The following KCNH8 variants were observed in gnomAD, a reference collection of about 807,000 sequenced individuals.
KCNH8 encodes the protein voltage-gated delayed rectifier potassium channel KCNH8.
A neutral mutation model predicts 103.6 loss-of-function variants in KCNH8; 70 were observed. The ratio of observed to expected loss-of-function variants is 0.68; its 90% CI spans 0.56 to 0.82. KCNH8 has a LOEUF of 0.82. KCNH8 is among the 40% of genes least tolerant of loss of function. KCNH8 has a pLI of 0.00. For synonymous variants in KCNH8, 498 were observed against 489.4 expected, an observed-to-expected ratio of 1.02 and a Z score of -0.23; for missense variants, 1,217 against 1,329.9, an observed-to-expected ratio of 0.92 and a Z score of 1.32.
At chr3:19,445,243 T>C (rs1167929868) in intron 8 of KCNH8, among the ~76,000 whole-genome samples, 2 of 152,002 alleles carry the variant, frequency 1.3e-5, no homozygotes, top group African/African-American at 4.8e-5. Flanking sequence ...TTTATGATTT[T>C]GTTTAGAGAA....
At position 19,533,645 on chromosome 3, in the gene KCNH8, A is replaced by G. The variant is rs761389289; in HGVS notation, c.2870A>G (p.Asp957Gly). 3 of 1,614,134 alleles carry G rather than the reference A, an allele frequency of 1.9e-6. No homozygotes were observed. The South Asian group carries it at 3.3e-5, about 18-fold the overall frequency. ...AQLCSSNITS[D>G]IWSVDPSSVG... ...CTTTGTAGCAGTAATATCACCTCAG[A>G]CATTTGGAGTGTGGATCCCTCCTCT... The change falls in exon 16 of 16, where the codon GAC becomes GGC. Residue 957 changes from aspartate to glycine, a missense_variant. Physicochemically the swap from Asp to Gly is moderately conservative, Grantham distance 94 (BLOSUM62 -1). Transcript: ENST00000328405.
chr3:19,499,813 C>A (rs544147345), intron 11 of KCNH8, among the ~76,000 whole-genome samples: 29 of 150,790 alleles, frequency 1.9e-4, no homozygotes, highest in African/African-American at 6.8e-4. Context: ...AAGAAACAAC[C>A]GGTACCAGCC....
chr3:19,312,228 C>A (rs545966890), intron 3 of KCNH8, among the ~76,000 whole-genome samples: 2 of 152,018 alleles, frequency 1.3e-5, no homozygotes, highest in Admixed American at 1.3e-4. Flanking sequence ...ATGGGCCAAT[C>A]AATGGCATAA....
At chr3:19,462,937 G>A (rs2067662466) in intron 11 of KCNH8, among the ~76,000 whole-genome samples, 1 of 152,014 alleles carries the variant, frequency 6.6e-6, no homozygotes, top group Non-Finnish European at 1.5e-5. Flanking sequence ...GATCAGGTTT[G>A]TCAAAGATAG....
At chr3:19,249,375 A>G (rs1169012220) in intron 1 of KCNH8, among the ~76,000 whole-genome samples, 1 of 152,262 alleles carries the variant, frequency 6.6e-6, no homozygotes, top group Non-Finnish European at 1.5e-5. Context: ...GACTGCCACT[A>G]AATCCTCTTT....
intron 1 of KCNH8, among the ~76,000 whole-genome samples, chr3:19,154,610 T>C (rs2063162837): frequency 6.6e-6 from 1 of 152,216 alleles, no homozygotes; most frequent in African/African-American, 2.4e-5. Flanking sequence ...TAGAATGCAG[T>C]GAAGTTGATG....
At chr3:19,443,244 G>A (rs1158528317) in intron 8 of KCNH8, among the ~76,000 whole-genome samples, 1 of 151,488 alleles carries the variant, frequency 6.6e-6, no homozygotes, top group Non-Finnish European at 1.5e-5. Context: ...CAAAACTCCA[G>A]ATAATTATCA....
At chr3:19,348,032 C>G (rs2065751487) in intron 5 of KCNH8, 67 bp downstream of exon 5, 7 of 1,563,652 alleles carry the variant, frequency 4.5e-6, no homozygotes, top group Non-Finnish European at 6.1e-6. Flanking sequence ...CCAGATTTTT[C>G]TGACATGAAT....
chr3:19,152,665 G>A lies in KCNH8; in HGVS notation c.76+3870G>A, dbSNP rs1033632889. ...TTTGTTAAAATTGATGCTGGGCGCA[G>A]TGGCTCACGCCTGTAATCCCAGCAC... On this transcript the variant is annotated intron_variant, in intron 1 of 15. Coordinates refer to ENST00000328405, the MANE Select transcript of KCNH8 (RefSeq NM_144633.3). Among the ~76,000 whole-genome samples, 3 of 152,246 alleles carry A rather than the reference G, an allele frequency of 2.0e-5. No individual in the cohort carries two copies. In the South Asian group the frequency reaches 6.2e-4, roughly 31 times the overall value.
intron 1 of KCNH8, among the ~76,000 whole-genome samples, chr3:19,229,729 C>G (rs1332493752): frequency 6.6e-6 from 1 of 152,226 alleles, no homozygotes; most frequent in Non-Finnish European, 1.5e-5. Context: ...GTTCATATCA[C>G]TATCAGCATT....
chr3:19,298,849 G>A (rs954410596), intron 3 of KCNH8, among the ~76,000 whole-genome samples: 2 of 151,512 alleles, frequency 1.3e-5, no homozygotes, highest in African/African-American at 4.9e-5. Flanking sequence ...GTGAACCCGG[G>A]AGGCGCAGCT....
At chr3:19,461,195 T>C (rs893909645) in intron 11 of KCNH8, among the ~76,000 whole-genome samples, 2 of 152,206 alleles carry the variant, frequency 1.3e-5, no homozygotes, top group Admixed American at 1.3e-4. Context: ...CCTTATGAGT[T>C]ACATTTTAAA....
At chr3:19,307,316 A>G (rs1428362072) in intron 3 of KCNH8, among the ~76,000 whole-genome samples, 1 of 152,060 alleles carries the variant, frequency 6.6e-6, no homozygotes. Context: ...AATGCTCAGC[A>G]TCACTAATCA....
chr3:19,519,702 G>C (rs939147082), intron 15 of KCNH8, among the ~76,000 whole-genome samples: 2 of 151,634 alleles, frequency 1.3e-5, no homozygotes, highest in African/African-American at 4.8e-5. Context: ...CAAAACTAAT[G>C]CAACTCCCCG....
intron 5 of KCNH8, among the ~76,000 whole-genome samples, chr3:19,374,203 G>A (rs1377821885): frequency 2.0e-4 from 30 of 151,072 alleles, no homozygotes; most frequent in Admixed American, 1.9e-3. Context: ...AATGTTGACA[G>A]TGGGGTGTTA....
At chr3:19,344,001 G>A (rs1455395322) in intron 4 of KCNH8, among the ~76,000 whole-genome samples, 2 of 126,348 alleles carry the variant, frequency 1.6e-5, no homozygotes, top group Admixed American at 7.9e-5. Context: ...TTTTTTTTTG[G>A]TCCTAATTCA....
rs931912579 is a variant in KCNH8 at position 19,291,376 on chromosome 3, C to T, written c.442+10047C>T. Among the ~76,000 whole-genome samples the T allele has an allele frequency of 1.5e-4, 23 of 152,114 alleles. 1 individual carries two copies. The highest frequency in any genetic ancestry group is 1.3e-4 in the Admixed American group (2 of 15,280). ...GATCTTTCCTGCTTTCTCTTGTGGG[C>T]ATTTAGTGCTATAAATTTCCCTCTT... On this transcript the variant is annotated intron_variant, in intron 3 of 15. Coordinates refer to ENST00000328405, the MANE Select transcript of KCNH8 (RefSeq NM_144633.3).
intron 11 of KCNH8, among the ~76,000 whole-genome samples, chr3:19,471,663 T>C (rs900784552): frequency 1.3e-5 from 2 of 152,106 alleles, no homozygotes; most frequent in African/African-American, 4.8e-5. Context: ...TAATTAAGGA[T>C]GAAAGAGGAA....
At chr3:19,521,793 A>C (rs952780689) in intron 15 of KCNH8, among the ~76,000 whole-genome samples, 1 of 151,988 alleles carries the variant, frequency 6.6e-6, no homozygotes, top group Non-Finnish European at 1.5e-5. Flanking sequence ...ATTTTTAAAA[A>C]ACATTTATTC....
Sources: allele counts gnomAD v4.1 joint callset (sites outside exome capture counted in the v4.1 genomes callset), GRCh38; gene constraint gnomAD v4.1.1; transcripts MANE v1.5; gene names NCBI Gene and HGNC (gene_info 2026-07-23, HGNC 2026-07-21).